Variants in P2RX6 observed in about 807,000 individuals in gnomAD.
P2RX6 encodes the protein P2X purinoceptor 6.
A neutral mutation model predicts 54.2 loss-of-function variants in P2RX6; 62 were observed. The observed-to-expected ratio is 1.14, with a 90% CI of 0.93 to 1.41. The LOEUF (loss-of-function observed/expected upper bound fraction) is 1.41, where lower values mean the gene tolerates loss of function less well. Among genes scored for constraint, P2RX6 ranks in the 40% most tolerant of loss-of-function variants. The probability of loss-of-function intolerance (pLI) is 0.00; values close to 1 mark genes in which losing one functional copy is unlikely to be tolerated. For missense variants in P2RX6, 541 were observed against 566.3 expected, an observed-to-expected ratio of 0.96 and a Z score of 0.45; for synonymous variants, 211 against 231.9, an observed-to-expected ratio of 0.91 and a Z score of 0.82.
At position 21,015,231 on chromosome 22, in the gene P2RX6, C is replaced by A. The variant is rs766598363; in HGVS notation, c.57C>A (p.Gly19=). ...TGGGCTCCCCAGGGGCTACGACAGG[C>A]TGGGGGCTTCTGGATTATAAGACGG... The part of the protein sequence containing the change: ...GSMGSPGATT[G]WGLLDYKTEK... The change falls in exon 1 of 12, where the codon GGC becomes GGA. Residue 19 remains glycine, a synonymous_variant. Transcript: ENST00000413302. 1 of 1,537,448 alleles carries A rather than the reference C, an allele frequency of 6.5e-7. No homozygotes were observed. The highest frequency in any genetic ancestry group is 1.3e-5 in the South Asian group (1 of 78,560).
At position 21,025,830 on chromosome 22, in the gene P2RX6, C is replaced by A. The variant is rs535716691; in HGVS notation, c.916C>A (p.Pro306Thr). 253 of 1,563,848 alleles carry A rather than the reference C, an allele frequency of 1.6e-4. 4 individuals carry two copies. In the South Asian group the frequency reaches 2.1e-3, roughly 13 times the overall value. The part of the protein sequence containing the change: ...FRTATHWWEQ[P>T]GVEARTLLKL... The stretch of plus-strand genomic sequence containing the variant: ...GACAGCCACTCACTGGTGGGAGCAA[C>A]CGGGTGTGGAGGCCCGCACCCTGCT... Residue 306 changes from proline (P) to threonine (T), a missense_variant, in exon 9 of 12, where the codon CCG (proline) becomes ACG (threonine). Around this residue, in one of 2 missense-constraint regions of P2RX6, gnomAD observed 526 missense variants for 531.5 expected, o/e 0.99. Transcript: ENST00000413302.
chr22:21,023,079 C>T (rs750155208), intron 5 of P2RX6, 39 bp from the exon 6 acceptor site: 2 of 1,612,524 alleles, frequency 1.2e-6, no homozygotes, highest in Non-Finnish European at 1.7e-6. Flanking sequence ...CGCAGGGCCC[C>T]AGGCCTGGCA....
rs560807290 is a variant in P2RX6 at position 21,023,265 on chromosome 22, C to T, written c.639-10C>T. The T allele has an allele frequency of 7.6e-5, 122 of 1,614,032 alleles. 1 individual carries two copies. In the South Asian group the frequency reaches 1.3e-3, roughly 17 times the overall value. ...CCCCTACCTCATCTGACCTTTCCCA[C>T]TCCTCCCAGGTCCAATGCCTTGGAG... is the stretch of plus-strand genomic sequence containing the variant. On this transcript the variant is annotated splice_polypyrimidine_tract_variant and intron_variant, in intron 6 of 11. Transcript: ENST00000413302.
intron 6 of P2RX6, 26 bp from the exon 7 acceptor site, chr22:21,023,249 C>A (rs760482012): frequency 6.2e-7 from 1 of 1,614,026 alleles, no homozygotes. Flanking sequence ...TCCCCTACCT[C>A]ATCTGACCTT....
In P2RX6 at chr22:21,016,928, A is replaced by T. The variant is rs1007037257; in HGVS notation, c.315+836A>T. ...ACACCCACATGTCCAAAGATCAATTATTTTCCTCTCCTGGCATGGCCTCTG... is the reference window on the plus strand; with the variant it reads ...ACACCCACATGTCCAAAGATCAATTTTTTTCCTCTCCTGGCATGGCCTCTG... On this transcript the variant is annotated intron_variant, in intron 2 of 11. Coordinates refer to ENST00000413302, the MANE Select transcript of P2RX6 (RefSeq NM_005446.5). 5.3e-5 allele frequency among the ~76,000 whole-genome samples: 8 copies of T among 152,016 alleles called. No individual in the cohort carries two copies. In the South Asian group the frequency reaches 1.7e-3, roughly 32 times the overall value.
exon 1 of P2RX6, chr22:21,009,864 T>A (rs1036312138): frequency 6.5e-6 from 1 of 153,288 alleles, no homozygotes; most frequent in Non-Finnish European, 1.5e-5. Context: ...CAGCACTGGA[T>A]TTGATAATAC....
In P2RX6 at chr22:21,026,448, C is replaced by A. The variant is rs769433710; in HGVS notation, c.1157C>A (p.Ser386Tyr). ...EAKAPKATAN[S>Y]VWRELALASQ... ...AAGGCCCCGAAAGCAACCGCCAACT[C>A]TGTGTGGAGGGAGCTGGCCCTTGCA... is the stretch of plus-strand genomic sequence containing the variant. Residue 386 changes from serine to tyrosine, a missense_variant, in exon 12 of 12, where the codon TCT (serine) becomes TAT (tyrosine). Transcript: ENST00000413302. The surrounding 1 kb of genome is among the most constrained non-coding windows in gnomAD (Gnocchi z 4.0). The A allele has an allele frequency of 2.5e-6, 4 of 1,603,430 alleles. No individual in the cohort carries two copies. The Admixed American group carries it at 6.8e-5, about 27-fold the overall frequency.
Position 21,023,007 on chromosome 22 carries a change from T to G in P2RX6, c.529T>G (p.Cys177Gly), listed in dbSNP as rs763030085. The G allele has an allele frequency of 4.3e-6, 7 of 1,613,530 alleles. No individual in the cohort carries two copies. Among genetic ancestry groups the G allele is most frequent in the East Asian group, 2.2e-5 (1 of 44,854 alleles). Residue 177 changes from cysteine (C) to glycine (G), a missense_variant, in exon 5 of 12, where the codon TGC becomes GGC. Around this residue, in one of 2 missense-constraint regions of P2RX6, gnomAD observed 526 missense variants for 531.5 expected, o/e 0.99. Transcript: ENST00000413302. Reference sequence around the variant, plus strand: ...CAGGACCTGTGAGATCTGGAGTTGGTGCCCCGTGGAGAGTGGCGTTGTGCC... The same window carrying G: ...CAGGACCTGTGAGATCTGGAGTTGGGGCCCCGTGGAGAGTGGCGTTGTGCC... The part of the protein sequence containing the change: ...THRTCEIWSW[C>G]PVESGVVPSR...
upstream of P2RX6, chr22:21,012,721 C>A (rs2147989531): frequency 6.2e-6 from 2 of 321,542 alleles, no homozygotes; most frequent in East Asian, 1.5e-4. Flanking sequence ...GCTCAGCCCG[C>A]TCCACGTCCC....
At chr22:21,012,624 A>T (rs1925804914), upstream of P2RX6, 16 of 586,908 alleles carry the variant, frequency 2.7e-5, no homozygotes, top group South Asian at 2.8e-4. Context: ...TGACATATGG[A>T]TTGGAGCTCA....
chr22:21,015,963 A>T lies in P2RX6; in HGVS notation c.186A>T (p.Lys62Asn), dbSNP rs1446595300. Residue 62 changes from lysine (K) to asparagine (N), a missense_variant, in exon 2 of 12, where the codon AAA becomes AAT. This residue lies in a region of P2RX6 where 526 missense variants were observed against 531.5 expected (regional missense o/e 0.99). Coordinates refer to ENST00000413302, the MANE Select transcript of P2RX6 (RefSeq NM_005446.5). ...CCAGGTGGGCTCTCCTCGCCAAAAA[A>T]GGCTACCAGGAGCGGGACCTGGAAC... ...YVVGWALLAK[K>N]GYQERDLEPQ... The T allele has an allele frequency of 1.3e-6, 2 of 1,549,678 alleles. No homozygotes were observed. The highest frequency in any genetic ancestry group is 2.4e-5 in the South Asian group (2 of 83,982).
chr22:21,020,172 G>A (rs1927102927), intron 3 of P2RX6, among the ~76,000 whole-genome samples: 1 of 152,180 alleles, frequency 6.6e-6, no homozygotes, highest in African/African-American at 2.4e-5. Context: ...TTTGTAGACC[G>A]TTCTGAAATT....
At chr22:21,021,213 G>T (rs1927345553) in intron 3 of P2RX6, among the ~76,000 whole-genome samples, 1 of 152,124 alleles carries the variant, frequency 6.6e-6, no homozygotes, top group Admixed American at 6.5e-5. Flanking sequence ...CTGAGCTCAG[G>T]CAATCCGCCT....
At chr22:21,017,186 G>C (rs1926543698) in intron 2 of P2RX6, among the ~76,000 whole-genome samples, 2 of 152,120 alleles carry the variant, frequency 1.3e-5, no homozygotes, top group Admixed American at 1.3e-4. Flanking sequence ...GGCATCATGA[G>C]AGCCTGCAGC....
chr22:21,026,362 T>TAA lies in P2RX6; in HGVS notation c.1128+33_1128+34insAA. 1 of 1,590,334 alleles carries TAA rather than the reference T, an allele frequency of 6.3e-7. No individual in the cohort carries two copies. The highest frequency in any genetic ancestry group is 2.3e-5 in the East Asian group (1 of 43,988). On this transcript the variant is annotated intron_variant, in intron 11 of 11. Coordinates refer to ENST00000413302, the MANE Select transcript of P2RX6 (RefSeq NM_005446.5). This position sits in a 1 kb window ranked among gnomAD's most constrained non-coding sequence, Gnocchi z 4.0. Reference sequence around the variant, plus strand: ...GAGGTCGCTCTGCTTGGACCCTGGGTTCTGCCACACTTAGGAAGATGTTGG... The same window carrying TAA: ...GAGGTCGCTCTGCTTGGACCCTGGGTAATCTGCCACACTTAGGAAGATGTTGG...
At chr22:21,014,990 C>G (rs1266808965), upstream of P2RX6, 2 of 509,076 alleles carry the variant, frequency 3.9e-6, no homozygotes, top group Non-Finnish European at 6.8e-6. Context: ...CAGGGCCCAG[C>G]AAAGGGAATG....
intron 8 of P2RX6, among the ~76,000 whole-genome samples, chr22:21,023,996 C>T (rs1431849730): frequency 1.3e-5 from 2 of 151,780 alleles, no homozygotes. Context: ...CATTCTGTCA[C>T]CCAGGCTGGA....
chr22:21,022,731 A>T lies in P2RX6; in HGVS notation c.443A>T (p.Glu148Val), dbSNP rs1475410753. The T allele has an allele frequency of 6.3e-7, 1 of 1,576,656 alleles. No individual in the cohort carries two copies. The highest frequency in any genetic ancestry group is 1.4e-5 in the African/African-American group (1 of 73,778). The change falls in exon 4 of 12, where the codon GAG (glutamate) becomes GTG (valine). Residue 148 changes from glutamate (E) to valine (V), a missense_variant. Glu to Val is a moderately radical substitution (Grantham distance 121). Transcript: ENST00000413302. ...CWVDEDCPEG[E>V]GGTHSHGVKT... ...GTCGACGAGGACTGCCCCGAAGGGG[A>T]GGGAGGCACACACAGCCACGGTAAC...
At position 21,023,539 on chromosome 22, in the gene P2RX6, G is replaced by T. The variant is rs1395622382; in HGVS notation, c.811G>T (p.Asp271Tyr). The T allele has an allele frequency of 1.9e-6, 3 of 1,613,822 alleles. 1 individual carries two copies. Among genetic ancestry groups the T allele is most frequent in the South Asian group, 2.2e-5 (2 of 91,040 alleles). Residue 271 changes from aspartate to tyrosine, a missense_variant, in exon 8 of 12, where the codon GAT becomes TAT. Physicochemically the swap from Asp to Tyr is radical, Grantham distance 160. Transcript: ENST00000413302. ...GGSVGIRVHW[D>Y]CDLDTGDSGC... Reference sequence around the variant, plus strand: ...CTCTGTAGGCATCAGAGTTCACTGGGATTGTGACCTGGACACCGGGGACTC... The same window carrying T: ...CTCTGTAGGCATCAGAGTTCACTGGTATTGTGACCTGGACACCGGGGACTC...
Sources: allele counts gnomAD v4.1 joint callset (sites outside exome capture counted in the v4.1 genomes callset), GRCh38; gene constraint gnomAD v4.1.1; regional missense constraint gnomAD v4.1.1; non-coding constraint Gnocchi (gnomAD v3.1); transcripts MANE v1.5; gene names NCBI Gene and HGNC (gene_info 2026-07-23, HGNC 2026-07-21).